The following TYK2 variants were observed in gnomAD, a reference collection of about 807,000 sequenced individuals.
The protein encoded by TYK2 is non-receptor tyrosine-protein kinase TYK2.
A neutral mutation model predicts 130.9 loss-of-function variants in TYK2; 65 were observed. The observed-to-expected ratio is 0.50, with a 90% CI of 0.41 to 0.61. The LOEUF (loss-of-function observed/expected upper bound fraction) is 0.61. Among genes scored for constraint, TYK2 ranks in the 20% least tolerant of loss-of-function variants. The pLI, the probability that TYK2 is intolerant of heterozygous loss-of-function variation, is 0.00. For missense variants in TYK2, 1,378 were observed against 1,610.7 expected, an observed-to-expected ratio of 0.86 and a Z score of 2.47; for synonymous variants, 647 against 658.9, an observed-to-expected ratio of 0.98 and a Z score of 0.28.
At position 10,380,493 on chromosome 19, in the gene TYK2, C is replaced by T. The variant is rs1010464905; in HGVS notation, c.-299G>A. ...GACCTCCGGCCGCGCTCCTTCCGCG[C>T]CCGCGTCCAGACTCACCCTTCCGGG... is the stretch of plus-strand genomic sequence containing the variant. On this transcript the variant is annotated 5_prime_UTR_variant, in exon 1 of 25. Transcript: ENST00000525621. 4.3e-4 allele frequency: 66 copies of T among 152,628 alleles called. No homozygotes were observed. Among genetic ancestry groups the T allele is most frequent in the African/African-American group, 1.5e-3 (63 of 41,588 alleles). 9.5% of individuals were successfully genotyped at this position (152,628 alleles called of 1,614,324 possible).
intron 3 of TYK2, among the ~76,000 whole-genome samples, chr19:10,372,284 C>G (rs1370132050): frequency 6.8e-6 from 1 of 146,628 alleles, no homozygotes; most frequent in Non-Finnish European, 1.5e-5. Context: ...TGAGCCACGG[C>G]GCCCGGCCTG....
At position 10,362,133 on chromosome 19, in the gene TYK2, G is replaced by A; in HGVS notation, c.1718C>T (p.Thr573Ile). The A allele has an allele frequency of 6.2e-7, 1 of 1,614,100 alleles. No homozygotes were observed. The highest frequency in any genetic ancestry group is 8.5e-7 in the Non-Finnish European group (1 of 1,180,032). ...IMRGARASPR[T>I]LNLSQLSFHR... The stretch of plus-strand genomic sequence containing the variant: ...GAAGCTGAGCTGGCTGAGGTTGAGT[G>A]TCCTGGGGCTGGCCCGAGCCCCCCG... The change falls in exon 12 of 25, where the codon ACA becomes ATA. Residue 573 changes from threonine to isoleucine, a missense_variant. By Grantham distance (89) the Thr-to-Ile change is moderately conservative. Coordinates refer to ENST00000525621, the MANE Select transcript of TYK2 (RefSeq NM_003331.5).
At chr19:10,362,495 G>C (rs1486354487) in intron 10 of TYK2, 39 bp from the exon 11 acceptor site, 3 of 1,566,834 alleles carry the variant, frequency 1.9e-6, no homozygotes, top group Non-Finnish European at 2.6e-6. Flanking sequence ...GTAAGCAGGG[G>C]ACCAGGCAGG....
At position 10,353,166 on chromosome 19, in the gene TYK2, G is replaced by T; in HGVS notation, c.3028-68C>A. 7.4e-7 allele frequency: 1 copy of T among 1,345,670 alleles called. No homozygotes were observed. Among genetic ancestry groups the T allele is most frequent in the Non-Finnish European group, 9.8e-7 (1 of 1,020,358 alleles). 83.4% of individuals were successfully genotyped at this position (1,345,670 alleles called of 1,614,324 possible). On this transcript the variant is annotated intron_variant, in intron 21 of 24. Coordinates refer to ENST00000525621, the MANE Select transcript of TYK2 (RefSeq NM_003331.5). This position sits in a 1 kb window ranked among gnomAD's most constrained non-coding sequence, Gnocchi z 6.9. ...TCGGCCGGGGGCGGCGGCAGGACCT[G>T]AGCAGCCAGGAGGGCTGGGGGACAG...
In TYK2 at chr19:10,365,908, A is replaced by G. The variant is rs2041642656; in HGVS notation, c.630-10T>C. The G allele has an allele frequency of 6.2e-7, 1 of 1,600,994 alleles. No individual in the cohort carries two copies. The highest frequency in any genetic ancestry group is 2.2e-5 in the East Asian group (1 of 44,616). ...GATGCAGTCCTTGAAGCTGGGGGGA[A>G]ACACAGTGAGGGGCTGGTCAGGGAC... On this transcript the variant is annotated splice_polypyrimidine_tract_variant and intron_variant, in intron 6 of 24. Transcript: ENST00000525621.
In TYK2 at chr19:10,359,023, A is replaced by G. The variant is rs12720294; in HGVS notation, c.2175+152T>C. 84,299 of 1,013,708 alleles carry G rather than the reference A, an allele frequency of 0.083. 3,856 individuals are homozygous for G. The highest frequency in any genetic ancestry group is 0.13 in the Middle Eastern group (438 of 3,300). 62.8% of individuals were successfully genotyped at this position (1,013,708 alleles called of 1,614,324 possible). A position where few individuals can be genotyped will look rare whatever the true frequency, so the allele number is the denominator to read the frequency against. On this transcript the variant is annotated intron_variant, in intron 15 of 24. Coordinates refer to ENST00000525621, the MANE Select transcript of TYK2 (RefSeq NM_003331.5). ...GGTTGCAGTGAGCCGAGATCATGCC[A>G]TTGCACTCCAGCCTGGGTGACAGGG...
Position 10,379,444 on chromosome 19 carries a change from C to T in TYK2, c.-21+171G>A, listed in dbSNP as rs572157283. On this transcript the variant is annotated intron_variant, in intron 2 of 24. Transcript: ENST00000525621. ...TTGGGAGGCCAAGGCGGACAGATCA[C>T]GAGGTCTGGAGATTGAGACCATCTT... 3.1e-4 allele frequency among the ~76,000 whole-genome samples: 46 copies of T among 150,728 alleles called. 1 individual carries two copies. Among genetic ancestry groups the T allele is most frequent in the South Asian group, 1.9e-3 (9 of 4,806 alleles).
intron 16 of TYK2, 32 bp from the exon 17 acceptor site, chr19:10,357,950 T>C: frequency 6.2e-7 from 1 of 1,613,246 alleles, no homozygotes; most frequent in Non-Finnish European, 8.5e-7. Flanking sequence ...TCACCAAGGG[T>C]GAAAGGAGCA....
At chr19:10,370,023 G>A (rs1007678191) in intron 3 of TYK2, 3 of 304,222 alleles carry the variant, frequency 9.9e-6, no homozygotes, top group South Asian at 2.6e-5. Flanking sequence ...CAGCCTGGGC[G>A]ACAGAGCGAG....
At chr19:10,372,277 G>A (rs1362738891) in intron 3 of TYK2, among the ~76,000 whole-genome samples, 1 of 146,950 alleles carries the variant, frequency 6.8e-6, no homozygotes, top group Non-Finnish European at 1.5e-5. Context: ...ACAGGCGTGA[G>A]CCACGGCGCC....
chr19:10,365,367 C>T, intron 7 of TYK2, 150 bp downstream of exon 7: 1 of 1,260,302 alleles, frequency 7.9e-7, no homozygotes, highest in South Asian at 1.3e-5. Flanking sequence ...GGACCTTCTC[C>T]AAGAAACTGG....
chr19:10,375,182 A>C (rs540041589), intron 3 of TYK2, among the ~76,000 whole-genome samples: 14 of 152,186 alleles, frequency 9.2e-5, no homozygotes, highest in African/African-American at 3.4e-4. Context: ...GAAAAAAAAA[A>C]AAAGACTCAG....
At chr19:10,380,212 G>A (rs12720218) in intron 1 of TYK2, among the ~76,000 whole-genome samples, 168 bp downstream of exon 1, 16,357 of 152,216 alleles carry the variant, frequency 0.11, 1,147 homozygotes, top group African/African-American at 0.19. Flanking sequence ...GGGCTTTCGC[G>A]GAGCCTACTT....
At position 10,354,081 on chromosome 19, in the gene TYK2, C is replaced by A; in HGVS notation, c.2869G>T (p.Glu957Ter). ...EIDILRTLYH[E>*]HIIKYKGCCE... ...CAGCCCTTGTACTTGATGATGTGCT[C>A]GTGGTAGAGCGTGCGCAGAATGTCA... Residue 957 changes from glutamate to a stop codon, truncating the protein, a stop_gained, in exon 20 of 25, where the codon GAG becomes TAG. Coordinates refer to ENST00000525621, the MANE Select transcript of TYK2 (RefSeq NM_003331.5). LOFTEE classifies it high-confidence loss of function. The A allele has an allele frequency of 6.2e-7, 1 of 1,614,074 alleles. No homozygotes were observed. The highest frequency in any genetic ancestry group is 1.1e-5 in the South Asian group (1 of 91,082).
In TYK2 at chr19:10,362,637, T is replaced by G; in HGVS notation, c.1388A>C (p.Lys463Thr). The G allele has an allele frequency of 6.4e-7, 1 of 1,551,712 alleles. No homozygotes were observed. The highest frequency in any genetic ancestry group is 8.7e-7 in the Non-Finnish European group (1 of 1,146,964). Reference sequence around the variant, plus strand: ...GTACAGGCCGTCCTCGGGCCGCAGCTTGGCCTGCACAAATGGCTCCCTGGA... The same window carrying G: ...GTACAGGCCGTCCTCGGGCCGCAGCGTGGCCTGCACAAATGGCTCCCTGGA... Reference protein sequence around the residue: ...GPLLEPFVQAKLRPEDGLYLI... With the variant: ...GPLLEPFVQATLRPEDGLYLI... Residue 463 changes from lysine (K) to threonine (T), a missense_variant, in exon 10 of 25, where the codon AAG becomes ACG. Transcript: ENST00000525621.
chr19:10,362,645 C>T lies in TYK2; in HGVS notation c.1380G>A (p.Val460=). The change falls in exon 10 of 25, where the codon GTG becomes GTA. Residue 460 remains valine (V), a synonymous_variant. Transcript: ENST00000525621. ...CGTCCTCGGGCCGCAGCTTGGCCTG[C>T]ACAAATGGCTCCCTGGAAGGTGGTC... ...GIHGPLLEPF[V]QAKLRPEDGL... 2 of 1,551,614 alleles carry T rather than the reference C, an allele frequency of 1.3e-6. No individual in the cohort carries two copies. The highest frequency in any genetic ancestry group is 2.7e-5 in the African/African-American group (2 of 73,180).
intron 3 of TYK2, among the ~76,000 whole-genome samples, chr19:10,377,576 G>A (rs1213441923): frequency 4.8e-3 from 244 of 50,820 alleles, no homozygotes; most frequent in Middle Eastern, 0.02. Flanking sequence ...GGGTGGGTGG[G>A]TGGATGGATG....
In TYK2 at chr19:10,353,490, AG is replaced by A; in HGVS notation, c.3027+37del. ...TCAGGCCAGCCCAAGCTGAAGAGGA[AG>A]GGGCAAGCTCCAGAAGCAGGGGCGG... On this transcript the variant is annotated intron_variant, in intron 21 of 24. Coordinates refer to ENST00000525621, the MANE Select transcript of TYK2 (RefSeq NM_003331.5). This position sits in a 1 kb window ranked among gnomAD's most constrained non-coding sequence, Gnocchi z 6.9. The A allele has an allele frequency of 7.1e-7, 1 of 1,409,732 alleles. No homozygotes were observed. The highest frequency in any genetic ancestry group is 9.5e-7 in the Non-Finnish European group (1 of 1,054,100). The allele number at this position is 1,409,732 out of a possible 1,614,324, so 87.3% of individuals were successfully genotyped here.
chr19:10,358,067 C>G lies in TYK2; in HGVS notation c.2247G>C (p.Glu749Asp). The G allele has an allele frequency of 1.2e-6, 2 of 1,613,220 alleles. No homozygotes were observed. Among genetic ancestry groups the G allele is most frequent in the Non-Finnish European group, 1.7e-6 (2 of 1,179,902 alleles). ...TCAGCTTGATGAAGGGGCTGGTGCC[C>G]TCTGCCAACCCCAGCCGGGCCAGCA... Reference protein sequence around the residue: ...NILLARLGLAEGTSPFIKLSD... With the variant: ...NILLARLGLADGTSPFIKLSD... Residue 749 changes from glutamate (E) to aspartate (D), a missense_variant, in exon 16 of 25, where the codon GAG becomes GAC. Coordinates refer to ENST00000525621, the MANE Select transcript of TYK2 (RefSeq NM_003331.5).
Sources: gnomAD v4.1 joint callset for allele counts (sites outside exome capture counted in the v4.1 genomes callset) on GRCh38, gnomAD v4.1.1 for gene constraint, Gnocchi (gnomAD v3.1) non-coding constraint, MANE v1.5 for transcripts, NCBI Gene and HGNC (gene_info 2026-07-23, HGNC 2026-07-21) for gene names.